Variants in ZFHX3 observed in about 807,000 individuals in gnomAD.
The protein encoded by ZFHX3 is zinc finger homeobox protein 3.
ZFHX3 carries 42 observed loss-of-function variants against 279.1 expected under a neutral mutation model. The observed-to-expected ratio is 0.15, with a 90% CI of 0.12 to 0.19. The LOEUF (loss-of-function observed/expected upper bound fraction) is 0.19. Among genes scored for constraint, ZFHX3 ranks in the 10% least tolerant of loss-of-function variants. ZFHX3 has a pLI of 1.00. For synonymous variants in ZFHX3, 2,293 were observed against 1,957.8 expected, an observed-to-expected ratio of 1.17 and a Z score of -4.52; for missense variants, 4,981 against 4,754.0, an observed-to-expected ratio of 1.05 and a Z score of -1.40.
At chr16:72,956,361 T>C (rs1002324494) in intron 2 of ZFHX3, among the ~76,000 whole-genome samples, 2 of 152,152 alleles carry the variant, frequency 1.3e-5, no homozygotes, top group African/African-American at 4.8e-5. Context: ...ACGAAGTCCA[T>C]TAGCAGCGTC....
chr16:73,346,127 T>C (rs1177764974), intron 3 of ZFHX3, among the ~76,000 whole-genome samples: 1 of 152,152 alleles, frequency 6.6e-6, no homozygotes, highest in East Asian at 1.9e-4. Flanking sequence ...GCTGTGAGTG[T>C]TGAGAGACCC....
intron 2 of ZFHX3, among the ~76,000 whole-genome samples, chr16:73,647,576 T>C (rs1198708258): frequency 6.6e-6 from 1 of 152,194 alleles, no homozygotes; most frequent in Admixed American, 6.5e-5. Flanking sequence ...CCTGTGGAAC[T>C]GTGAGTCAAT....
intron 1 of ZFHX3, among the ~76,000 whole-genome samples, chr16:73,775,938 T>C (rs1567406807): frequency 6.6e-6 from 1 of 152,166 alleles, no homozygotes; most frequent in Non-Finnish European, 1.5e-5. Flanking sequence ...GGCAGCAGCC[T>C]AGTGTGGAAA....
rs777494941 is a variant in ZFHX3 at position 72,798,583 on chromosome 16, A to G, written c.4099T>C (p.Cys1367Arg). Residue 1367 changes from cysteine to arginine, a missense_variant, in exon 9 of 10, where the codon TGC (cysteine) becomes CGC (arginine). Cys to Arg is a radical substitution (Grantham distance 180). Coordinates refer to ENST00000268489, the MANE Select transcript of ZFHX3 (RefSeq NM_006885.4). ...DSGFICWKKG[C>R]NQVFKTSAAL... ...GCAGAAGTTTTGAAAACCTGGTTGCACCCCTTCTTCCAGCAGATGAAGCCT... is the reference window on the plus strand; with the variant it reads ...GCAGAAGTTTTGAAAACCTGGTTGCGCCCCTTCTTCCAGCAGATGAAGCCT... 1 of 1,614,106 alleles carries G rather than the reference A, an allele frequency of 6.2e-7. No homozygotes were observed. Among genetic ancestry groups the G allele is most frequent in the East Asian group, 2.2e-5 (1 of 44,878 alleles).
chr16:73,447,717 G>A (rs2018211957), intron 3 of ZFHX3, among the ~76,000 whole-genome samples: 1 of 152,164 alleles, frequency 6.6e-6, no homozygotes, highest in African/African-American at 2.4e-5. Context: ...AGGGTCTCAG[G>A]TAAAGCAGGA....
Position 72,795,984 on chromosome 16 carries a change from G to C in ZFHX3, c.6698C>G (p.Pro2233Arg), listed in dbSNP as rs1174057267. 1 of 1,614,076 alleles carries C rather than the reference G, an allele frequency of 6.2e-7. No individual in the cohort carries two copies. Residue 2233 changes from proline (P) to arginine (R), a missense_variant, in exon 9 of 10, where the codon CCT becomes CGT. Around this residue, in one of 7 missense-constraint regions of ZFHX3, gnomAD observed 177 missense variants for 244.2 expected, o/e 0.72. Coordinates refer to ENST00000268489, the MANE Select transcript of ZFHX3 (RefSeq NM_006885.4). The part of the protein sequence containing the change: ...KIDSRPPSPE[P>R]PKQEYWGSKR... ...GCTTCCCCAGTACTCCTGCTTTGGA[G>C]GTTCCGGCGAAGGGGGCCGGGAGTC... is the stretch of plus-strand genomic sequence containing the variant.
At chr16:73,144,640 A>T (rs568090154) in intron 5 of ZFHX3, among the ~76,000 whole-genome samples, 1 of 152,268 alleles carries the variant, frequency 6.6e-6, no homozygotes, top group South Asian at 2.1e-4. Context: ...GTCCTACTCC[A>T]CGTATTCAGA....
intron 5 of ZFHX3, among the ~76,000 whole-genome samples, chr16:73,215,005 G>A (rs2012154732): frequency 6.6e-6 from 1 of 152,084 alleles, no homozygotes; most frequent in Non-Finnish European, 1.5e-5. Flanking sequence ...GAACTGCAAT[G>A]CTTTCTGTAG....
chr16:73,764,121 T>A (rs2053901418), intron 1 of ZFHX3, among the ~76,000 whole-genome samples: 1 of 152,134 alleles, frequency 6.6e-6, no homozygotes, highest in Non-Finnish European at 1.5e-5. Context: ...CTGTGATCAT[T>A]TGTTACACAG....
chr16:73,700,095 C>A (rs2142215789), intron 1 of ZFHX3, among the ~76,000 whole-genome samples: 1 of 152,182 alleles, frequency 6.6e-6, no homozygotes, highest in South Asian at 2.1e-4. Flanking sequence ...TTATAGCACA[C>A]ACTTATGGTC....
At chr16:73,781,311 A>G (rs1183810701) in intron 1 of ZFHX3, among the ~76,000 whole-genome samples, 1 of 152,192 alleles carries the variant, frequency 6.6e-6, no homozygotes, top group Non-Finnish European at 1.5e-5. Flanking sequence ...AAAGATTGTG[A>G]TTAAGCAGCT....
intron 2 of ZFHX3, among the ~76,000 whole-genome samples, chr16:73,623,081 G>A (rs2052380570): frequency 6.6e-6 from 1 of 151,460 alleles, no homozygotes; most frequent in South Asian, 2.1e-4. Flanking sequence ...CTTTCGCCCA[G>A]GCCGAACTGC....
At chr16:73,105,457 A>ACACACACATATATATATATATATTT (rs1966291479) in intron 7 of ZFHX3, among the ~76,000 whole-genome samples, 2 of 120,456 alleles carry the variant, frequency 1.7e-5, no homozygotes, top group Admixed American at 7.9e-5. Flanking sequence ...ATATATATAT[A>ACACACACATATATATATATATATTT]TTTTTTCCCC....
intron 7 of ZFHX3, among the ~76,000 whole-genome samples, chr16:73,096,270 G>A (rs1966161966): frequency 6.6e-6 from 1 of 151,710 alleles, no homozygotes; most frequent in Admixed American, 6.6e-5. Context: ...AGACCGGGTG[G>A]TGGCTGGGTC....
At chr16:73,472,658 C>T (rs2018689891) in intron 2 of ZFHX3, among the ~76,000 whole-genome samples, 1 of 152,208 alleles carries the variant, frequency 6.6e-6, no homozygotes, top group Admixed American at 6.5e-5. Context: ...ACTGCATCAC[C>T]TAGATTTGCT....
chr16:73,323,504 C>T (rs894277183), intron 3 of ZFHX3, among the ~76,000 whole-genome samples: 12 of 151,902 alleles, frequency 7.9e-5, no homozygotes, highest in African/African-American at 2.9e-4. Context: ...ATAAAGGAAT[C>T]GAAGGAAAAT....
At chr16:73,720,467 C>T (rs959536231) in intron 1 of ZFHX3, among the ~76,000 whole-genome samples, 1 of 151,744 alleles carries the variant, frequency 6.6e-6, no homozygotes, top group African/African-American at 2.4e-5. Context: ...AAATTTGGTC[C>T]ATTCATATGA....
intron 3 of ZFHX3, among the ~76,000 whole-genome samples, chr16:72,918,201 TCAA>T (rs1567583140): frequency 6.6e-6 from 1 of 152,134 alleles, no homozygotes; most frequent in Non-Finnish European, 1.5e-5. Context: ...AAGGGACCTG[TCAA>T]CAAGCAAATA....
chr16:73,854,878 C>T (rs1028145045), intron 1 of ZFHX3, among the ~76,000 whole-genome samples: 3 of 151,784 alleles, frequency 2.0e-5, no homozygotes, highest in African/African-American at 4.8e-5. Flanking sequence ...CGAGAAAGAA[C>T]CACAAGGATG....
Sources: gnomAD v4.1 joint callset for allele counts (sites outside exome capture counted in the v4.1 genomes callset) on GRCh38, gnomAD v4.1.1 for gene constraint, gnomAD v4.1.1 regional missense constraint, MANE v1.5 for transcripts, NCBI Gene and HGNC (gene_info 2026-07-23, HGNC 2026-07-21) for gene names.